AP1S3: variants seen among roughly 807,000 people sequenced by gnomAD.
The protein encoded by AP1S3 is AP-1 complex subunit sigma-3.
In AP1S3, 10 loss-of-function variants were observed where a neutral mutation model predicts 20.9. The ratio of observed to expected loss-of-function variants is 0.48; its 90% CI spans 0.29 to 0.81. AP1S3 has a LOEUF of 0.81. Ranked by LOEUF, AP1S3 falls within the 30% of genes least tolerant of loss-of-function variation. AP1S3 has a pLI of 0.08. For missense variants in AP1S3, 154 were observed against 183.8 expected, an observed-to-expected ratio of 0.84 and a Z score of 0.94; for synonymous variants, 41 against 61.5, an observed-to-expected ratio of 0.67 and a Z score of 1.56.
intron 1 of AP1S3, among the ~76,000 whole-genome samples, chr2:223,781,289 AATG>A (rs1690939135): frequency 6.6e-6 from 1 of 152,146 alleles, no homozygotes; most frequent in Admixed American, 6.6e-5. Context: ...CCGTTATAAT[AATG>A]ATATGAGGCC....
In AP1S3 at chr2:223,756,251, C is replaced by T. The variant is rs564849261; in HGVS notation, c.*2464G>A. Among the ~76,000 whole-genome samples the T allele has an allele frequency of 2.0e-4, 30 of 152,086 alleles. No individual in the cohort carries two copies. The South Asian group carries it at 6.2e-3, about 32-fold the overall frequency. Reference sequence around the variant, plus strand: ...ACTCGGGAGGCTGAGGCAGGAGAATCGTTTGAACCCAGGAGACGGAGGCTG... The same window carrying T: ...ACTCGGGAGGCTGAGGCAGGAGAATTGTTTGAACCCAGGAGACGGAGGCTG... On this transcript the variant is annotated 3_prime_UTR_variant, in exon 5 of 5. Coordinates refer to ENST00000396654, the MANE Select transcript of AP1S3 (RefSeq NM_001039569.2).
intron 1 of AP1S3, among the ~76,000 whole-genome samples, chr2:223,822,521 C>A (rs1295923380): frequency 6.6e-6 from 1 of 151,724 alleles, no homozygotes; most frequent in Non-Finnish European, 1.5e-5. Context: ...CTCATCTCTA[C>A]TAAAAATACA....
chr2:223,810,458 G>A (rs547970949), intron 1 of AP1S3, among the ~76,000 whole-genome samples: 6 of 152,162 alleles, frequency 3.9e-5, no homozygotes, highest in East Asian at 3.9e-4. Context: ...ACAGGCATGC[G>A]CCACCACACC....
Position 223,755,990 on chromosome 2 carries a change from C to T in AP1S3, c.*2725G>A, listed in dbSNP as rs780051215. ...ATATGGTGACAAATTTCAAAAGAAC[C>T]GGAAAAACTATGATGGATTTACATG... On this transcript the variant is annotated 3_prime_UTR_variant, in exon 5 of 5. Transcript: ENST00000396654. 2.2e-4 allele frequency: 214 copies of T among 985,312 alleles called. No homozygotes were observed. The highest frequency in any genetic ancestry group is 1.1e-3 in the Admixed American group (18 of 16,266). The allele number at this position is 985,312 out of a possible 1,614,324, so 61.0% of individuals were successfully genotyped here. A position where few individuals can be genotyped will look rare whatever the true frequency, so the allele number is the denominator to read the frequency against.
At chr2:223,796,794 G>A (rs1400975323) in intron 1 of AP1S3, among the ~76,000 whole-genome samples, 1 of 152,172 alleles carries the variant, frequency 6.6e-6, no homozygotes, top group Non-Finnish European at 1.5e-5. Flanking sequence ...CTCCCAAGCA[G>A]CTGGGATTAC....
At chr2:223,817,687 T>C (rs534850933) in intron 1 of AP1S3, among the ~76,000 whole-genome samples, 1 of 151,896 alleles carries the variant, frequency 6.6e-6, no homozygotes, top group African/African-American at 2.4e-5. Context: ...CCTGTTTGGC[T>C]TCTCTGAGTA....
chr2:223,801,266 C>T (rs754192932), intron 1 of AP1S3, among the ~76,000 whole-genome samples: 1 of 152,126 alleles, frequency 6.6e-6, no homozygotes, highest in Non-Finnish European at 1.5e-5. Flanking sequence ...AAGTTAAGTA[C>T]CTTGTTCCAG....
In AP1S3 at chr2:223,777,770, T is replaced by C; in HGVS notation, c.103A>G (p.Ile35Val). 1.2e-6 allele frequency: 2 copies of C among 1,614,178 alleles called. No individual in the cohort carries two copies. Residue 35 changes from isoleucine (I) to valine (V), a missense_variant, in exon 2 of 5, where the codon ATT becomes GTT. By Grantham distance (29) the Ile-to-Val change is conservative. Transcript: ENST00000396654. ...DKERKKITRE[I>V]VQIILSRGHR... is the part of the protein sequence containing the mutation. ...CCACGGGAGAGAATAATCTGAACAA[T>C]TTCCCGGGTGATCTTCTTCCTCTCT...
At chr2:223,806,696 T>C (rs1691590853) in intron 1 of AP1S3, among the ~76,000 whole-genome samples, 1 of 152,192 alleles carries the variant, frequency 6.6e-6, no homozygotes, top group Non-Finnish European at 1.5e-5. Context: ...AGAATATGTA[T>C]ACATTCTTAT....
intron 2 of AP1S3, 45 bp from the exon 3 acceptor site, chr2:223,776,054 G>A (rs1690775503): frequency 6.8e-7 from 1 of 1,466,618 alleles, no homozygotes; most frequent in Non-Finnish European, 9.4e-7. Context: ...AATACATTAA[G>A]CAACCTGGAG....
At chr2:223,828,888 G>A (rs1481188759) in intron 1 of AP1S3, among the ~76,000 whole-genome samples, 1 of 152,122 alleles carries the variant, frequency 6.6e-6, no homozygotes, top group Admixed American at 6.5e-5. Flanking sequence ...TGTCACCCAG[G>A]CTGGAGTGCA....
intron 2 of AP1S3, among the ~76,000 whole-genome samples, chr2:223,776,814 A>G (rs1435802869): frequency 6.6e-6 from 1 of 152,172 alleles, no homozygotes; most frequent in Non-Finnish European, 1.5e-5. Flanking sequence ...AAAAAGATCT[A>G]GATTTGAATC....
intron 1 of AP1S3, among the ~76,000 whole-genome samples, chr2:223,817,573 A>C (rs1691874014): frequency 6.8e-6 from 1 of 146,524 alleles, no homozygotes; most frequent in Non-Finnish European, 1.5e-5. Context: ...GCACCATTGC[A>C]CTCCAGCCTA....
intron 1 of AP1S3, among the ~76,000 whole-genome samples, chr2:223,817,112 G>A (rs572423153): frequency 1.3e-4 from 19 of 151,848 alleles, no homozygotes; most frequent in Admixed American, 3.3e-4. Context: ...ACAACAAAGC[G>A]AGACAACTCT....
At chr2:223,794,034 T>A (rs181243943) in intron 1 of AP1S3, among the ~76,000 whole-genome samples, 10 of 152,324 alleles carry the variant, frequency 6.6e-5, no homozygotes, top group Admixed American at 2.0e-4. Context: ...GCTCCTCAGC[T>A]ATCACCTTTG....
At chr2:223,800,668 G>C (rs1018074469) in intron 1 of AP1S3, among the ~76,000 whole-genome samples, 1 of 152,126 alleles carries the variant, frequency 6.6e-6, no homozygotes, top group Admixed American at 6.6e-5. Flanking sequence ...TAGCAAACTA[G>C]GAAGAGAGAG....
In AP1S3 at chr2:223,756,492, AAG is replaced by A. The variant is rs1400710056; in HGVS notation, c.*2221_*2222del. On this transcript the variant is annotated 3_prime_UTR_variant, in exon 5 of 5. Transcript: ENST00000396654. The stretch of plus-strand genomic sequence containing the variant: ...AAAGAAAGAAAGAAAGAAAAAAAGA[AAG>A]AAAAAATTCTAACACATTAAAAAGT... The A allele has an allele frequency of 4.2e-5, 41 of 973,968 alleles. No homozygotes were observed. Among genetic ancestry groups the A allele is most frequent in the Middle Eastern group, 5.3e-4 (1 of 1,888 alleles). The allele number at this position is 973,968 out of a possible 1,614,324, so 60.3% of individuals were successfully genotyped here. A position where few individuals can be genotyped will look rare whatever the true frequency, so the allele number is the denominator to read the frequency against.
intron 1 of AP1S3, among the ~76,000 whole-genome samples, chr2:223,830,869 G>A (rs1316734653): frequency 2.6e-5 from 4 of 152,232 alleles, no homozygotes; most frequent in African/African-American, 9.6e-5. Context: ...AGAGATGCCT[G>A]TAGGAAAGTT....
chr2:223,820,677 A>G (rs983343744), intron 1 of AP1S3, among the ~76,000 whole-genome samples: 12 of 151,788 alleles, frequency 7.9e-5, no homozygotes, highest in African/African-American at 2.9e-4. Context: ...AGAAAAAAAA[A>G]AAAAAAACAA....
Sources: gnomAD v4.1 joint callset for allele counts (sites outside exome capture counted in the v4.1 genomes callset) on GRCh38, gnomAD v4.1.1 for gene constraint, MANE v1.5 for transcripts, NCBI Gene and HGNC (gene_info 2026-07-23, HGNC 2026-07-21) for gene names.